Variants in MAVS observed in about 807,000 individuals in gnomAD.
MAVS encodes the protein mitochondrial antiviral-signaling protein.
In MAVS, 20 loss-of-function variants were observed where a neutral mutation model predicts 30.2. That is an observed-to-expected ratio of 0.66 (90% confidence interval 0.47 to 0.96). The LOEUF (loss-of-function observed/expected upper bound fraction) is 0.96. MAVS is among the 40% of genes least tolerant of loss of function. MAVS has a pLI of 0.00. For synonymous variants in MAVS, 278 were observed against 293.9 expected (o/e 0.95, Z 0.55); for missense variants, 624 against 701.1 (o/e 0.89, Z 1.24).
Position 3,866,551 on chromosome 20 carries a change from G to A in MAVS, c.*404G>A, listed in dbSNP as rs186142938. ...CTCTCCTGTTGCATTGGTCCCTGAA[G>A]GCCTCAGGGCAGGTATGTGGTGTGT... On this transcript the variant is annotated 3_prime_UTR_variant, in exon 7 of 7. Coordinates refer to ENST00000428216, the MANE Select transcript of MAVS (RefSeq NM_020746.5). 95 of 331,564 alleles carry A rather than the reference G, an allele frequency of 2.9e-4. 2 individuals are homozygous for A. The highest frequency in any genetic ancestry group is 3.5e-5 in the Non-Finnish European group (6 of 172,216). The allele number at this position is 331,564 out of a possible 1,614,324, so 20.5% of individuals were successfully genotyped here. A position where few individuals can be genotyped will look rare whatever the true frequency, so the allele number is the denominator to read the frequency against.
intron 3 of MAVS, among the ~76,000 whole-genome samples, chr20:3,860,932 C>T (rs1190201156): frequency 6.6e-6 from 1 of 152,162 alleles, no homozygotes; most frequent in African/African-American, 2.4e-5. Flanking sequence ...GCCTTGGCCT[C>T]CCCAAATCCT....
In MAVS at chr20:3,861,878, A is replaced by G. The variant is rs560888955; in HGVS notation, c.465+374A>G. 3.9e-5 allele frequency among the ~76,000 whole-genome samples: 6 copies of G among 152,126 alleles called. No individual in the cohort carries two copies. The South Asian group carries it at 1.2e-3, about 32-fold the overall frequency. ...ATTCTCCTGCCTCAGCCTCCTGAGT[A>G]GCTGGGATTACAGGCACCCACCACC... is the stretch of plus-strand genomic sequence containing the variant. On this transcript the variant is annotated intron_variant, in intron 4 of 6. Coordinates refer to ENST00000428216, the MANE Select transcript of MAVS (RefSeq NM_020746.5).
chr20:3,861,052 G>T (rs1157787687), intron 3 of MAVS, among the ~76,000 whole-genome samples: 1 of 149,770 alleles, frequency 6.7e-6, no homozygotes. Flanking sequence ...GAGTGCAGTG[G>T]CGCGATCTTG....
chr20:3,851,657 T>C (rs561511716), intron 1 of MAVS, among the ~76,000 whole-genome samples: 2 of 152,096 alleles, frequency 1.3e-5, no homozygotes, highest in Non-Finnish European at 2.9e-5. Flanking sequence ...CAGTCTCCTA[T>C]CTTAAGAATG....
chr20:3,858,073 G>A, intron 3 of MAVS: 1 of 520,904 alleles, frequency 1.9e-6, no homozygotes, highest in Admixed American at 3.0e-5. Flanking sequence ...AGCTGCAGTG[G>A]GTGATACTGC....
chr20:3,858,261 C>G (rs1348102678), intron 3 of MAVS, among the ~76,000 whole-genome samples: 1 of 152,006 alleles, frequency 6.6e-6, no homozygotes, highest in Non-Finnish European at 1.5e-5. Flanking sequence ...CCTGGTTTAC[C>G]CTGAGAGCCT....
In MAVS at chr20:3,871,070, G is replaced by A. The variant is rs1402483522; in HGVS notation, c.*4923G>A. ...TAATTTTCGTATTTTTGTTAGAGATGGGGTTTCACCATGTTGGCCAGGCTG... is the reference window on the plus strand; with the variant it reads ...TAATTTTCGTATTTTTGTTAGAGATAGGGTTTCACCATGTTGGCCAGGCTG... On this transcript the variant is annotated 3_prime_UTR_variant, in exon 7 of 7. Transcript: ENST00000428216. The A allele has an allele frequency of 6.5e-6, 1 of 153,488 alleles. No homozygotes were observed. The highest frequency in any genetic ancestry group is 1.9e-4 in the East Asian group (1 of 5,204). The allele number at this position is 153,488 out of a possible 1,614,324, so 9.5% of individuals were successfully genotyped here. A position where few individuals can be genotyped will look rare whatever the true frequency, so the allele number is the denominator to read the frequency against.
rs1233457806 is a variant in MAVS at position 3,868,634 on chromosome 20, A to C, written c.*2487A>C. On this transcript the variant is annotated 3_prime_UTR_variant, in exon 7 of 7. Coordinates refer to ENST00000428216, the MANE Select transcript of MAVS (RefSeq NM_020746.5). Reference sequence around the variant, plus strand: ...GGGCGACAGAGTGGTATTCTGTTTCAAAAAAAAAAAAAAAGGCAGTATGTA... The same window carrying C: ...GGGCGACAGAGTGGTATTCTGTTTCCAAAAAAAAAAAAAAGGCAGTATGTA... 1 of 96,096 alleles carries C rather than the reference A, an allele frequency of 1.0e-5. No individual in the cohort carries two copies. Among genetic ancestry groups the C allele is most frequent in the East Asian group, 2.4e-4 (1 of 4,186 alleles). 6.0% of individuals were successfully genotyped at this position (96,096 alleles called of 1,614,324 possible). A position where few individuals can be genotyped will look rare whatever the true frequency, so the allele number is the denominator to read the frequency against.
chr20:3,852,285 T>C (rs909425249), intron 1 of MAVS, among the ~76,000 whole-genome samples: 6 of 151,854 alleles, frequency 4.0e-5, no homozygotes, highest in Non-Finnish European at 5.9e-5. Flanking sequence ...TGAGCCACCG[T>C]GCCCGGCCTA....
In MAVS at chr20:3,869,455, G is replaced by C. The variant is rs1463790406; in HGVS notation, c.*3308G>C. On this transcript the variant is annotated 3_prime_UTR_variant, in exon 7 of 7. Transcript: ENST00000428216. ...CCCAAAGTGCTGGGATTACAGGCGT[G>C]AGCCACCGCGCCCAGCCAAATTAAA... 1 of 152,140 alleles carries C rather than the reference G, an allele frequency of 6.6e-6. No homozygotes were observed. The highest frequency in any genetic ancestry group is 2.4e-5 in the African/African-American group (1 of 41,420). 9.4% of individuals were successfully genotyped at this position (152,140 alleles called of 1,614,324 possible).
Position 3,867,122 on chromosome 20 carries a change from TGA to T in MAVS, c.*979_*980del, listed in dbSNP as rs201068366. On this transcript the variant is annotated 3_prime_UTR_variant, in exon 7 of 7. Transcript: ENST00000428216. ...GCCCAACCTGGTAGAGCTGAGGGCA[TGA>T]GAGGCAGAGTGCACAGTGGTCAAGG... is the stretch of plus-strand genomic sequence containing the variant. The T allele has an allele frequency of 1.2e-3, 533 of 454,304 alleles. 3 individuals are homozygous for T. Among genetic ancestry groups the T allele is most frequent in the African/African-American group, 9.3e-3 (469 of 50,174 alleles). The allele number at this position is 454,304 out of a possible 1,614,324, so 28.1% of individuals were successfully genotyped here. A position where few individuals can be genotyped will look rare whatever the true frequency, so the allele number is the denominator to read the frequency against.
intron 2 of MAVS, among the ~76,000 whole-genome samples, chr20:3,855,361 C>T (rs2089801043): frequency 6.6e-6 from 1 of 152,316 alleles, no homozygotes; most frequent in South Asian, 2.1e-4. Flanking sequence ...TCCTTCATCT[C>T]TCTTGCCCTT....
rs1568541822 is a variant in MAVS, at chr20:3,872,302, G to A, written c.*6155G>A. The A allele has an allele frequency of 6.6e-6, 1 of 152,352 alleles. No homozygotes were observed. Among genetic ancestry groups the A allele is most frequent in the Non-Finnish European group, 1.5e-5 (1 of 68,170 alleles). 9.4% of individuals were successfully genotyped at this position (152,352 alleles called of 1,614,324 possible). ...AAAATTTAAAAATTAGCTGGGTGTG[G>A]TGGTATGTGCCTCAAGTTCCAGCTA... On this transcript the variant is annotated 3_prime_UTR_variant, in exon 7 of 7. Coordinates refer to ENST00000428216, the MANE Select transcript of MAVS (RefSeq NM_020746.5).
rs375286366 is a variant in MAVS at position 3,853,354 on chromosome 20, C to T, written c.-67-1204C>T. Among the ~76,000 whole-genome samples, 17 of 151,154 alleles carry T rather than the reference C, an allele frequency of 1.1e-4. No individual in the cohort carries two copies. In the East Asian group the frequency reaches 1.8e-3, roughly 16 times the overall value. On this transcript the variant is annotated intron_variant, in intron 1 of 6. Transcript: ENST00000428216. ...CAAAAAAATTAGCCGGGCGTGGTGG[C>T]GGGCGCCTGTCGTCCCAGCTACTCA...
chr20:3,861,063 G>A (rs1469007199), intron 3 of MAVS, among the ~76,000 whole-genome samples: 1 of 150,536 alleles, frequency 6.6e-6, no homozygotes, highest in Non-Finnish European at 1.5e-5. Flanking sequence ...CGCGATCTTG[G>A]CTTACTGCAA....
rs1015025488 is a variant in MAVS, at chr20:3,869,762, A to ACCCC, written c.*3618_*3619insCCCC. The ACCCC allele has an allele frequency of 3.3e-5, 5 of 151,444 alleles. No homozygotes were observed. The highest frequency in any genetic ancestry group is 1.3e-4 in the Admixed American group (2 of 15,152). The allele number at this position is 151,444 out of a possible 1,614,324, so 9.4% of individuals were successfully genotyped here. A position where few individuals can be genotyped will look rare whatever the true frequency, so the allele number is the denominator to read the frequency against. ...TGGGATTACAGAGGCCTGCCACCAC[A>ACCCC]CCCGACTAATTTTCGTATTTTTAGT... is the stretch of plus-strand genomic sequence containing the variant. On this transcript the variant is annotated 3_prime_UTR_variant, in exon 7 of 7. Transcript: ENST00000428216.
chr20:3,853,155 A>G (rs1470443556), intron 1 of MAVS, among the ~76,000 whole-genome samples: 7 of 137,984 alleles, frequency 5.1e-5, no homozygotes, highest in Admixed American at 2.9e-4. Flanking sequence ...GGAATTTTGG[A>G]GAGACTCAGG....
intron 3 of MAVS, among the ~76,000 whole-genome samples, chr20:3,859,895 C>T (rs1024329258): frequency 6.6e-6 from 1 of 151,918 alleles, no homozygotes; most frequent in Non-Finnish European, 1.5e-5. Context: ...CAGCTCACTG[C>T]AAGCTCCGCC....
Position 3,862,290 on chromosome 20 carries a change from G to A in MAVS, c.502G>A (p.Ala168Thr), listed in dbSNP as rs377159593. The change falls in exon 5 of 7, where the codon GCC becomes ACC. Residue 168 changes from alanine (A) to threonine (T), a missense_variant. Physicochemically the swap from Ala to Thr is moderately conservative, Grantham distance 58. Coordinates refer to ENST00000428216, the MANE Select transcript of MAVS (RefSeq NM_020746.5). Reference sequence around the variant, plus strand: ...AGCCCTGCAGACGCTCAGCCCCAGAGCCATCCCAAGGAATCCAGATGGTGG... The same window carrying A: ...AGCCCTGCAGACGCTCAGCCCCAGAACCATCCCAAGGAATCCAGATGGTGG... ...EQALQTLSPR[A>T]IPRNPDGGPL... 4 of 1,613,972 alleles carry A rather than the reference G, an allele frequency of 2.5e-6. No individual in the cohort carries two copies. Among genetic ancestry groups the A allele is most frequent in the Non-Finnish European group, 1.7e-6 (2 of 1,180,026 alleles).
Sources: gnomAD v4.1 joint callset for allele counts (sites outside exome capture counted in the v4.1 genomes callset) on GRCh38, gnomAD v4.1.1 for gene constraint, MANE v1.5 for transcripts, NCBI Gene and HGNC (gene_info 2026-07-23, HGNC 2026-07-21) for gene names.